LRRCC1: variants seen among roughly 807,000 people sequenced by gnomAD.
LRRCC1 encodes the protein leucine-rich repeat and coiled-coil domain-containing protein 1.
Under a neutral mutation model 126.0 loss-of-function variants are expected in LRRCC1, and 115 were observed. That is an observed-to-expected ratio of 0.91 (90% CI 0.78 to 1.07). The LOEUF is 1.07. Ranked by LOEUF, LRRCC1 falls within the 50% of genes least tolerant of loss-of-function variation. The pLI, the probability that LRRCC1 is intolerant of heterozygous loss-of-function variation, is 0.00. For synonymous variants in LRRCC1, 400 were observed against 393.4 expected (o/e 1.02, Z -0.20); for missense variants, 1,172 against 1,175.7 (o/e 1.00, Z 0.05).
At chr8:85,143,845 A>G (rs976238773) in intron 18 of LRRCC1, among the ~76,000 whole-genome samples, 1 of 152,202 alleles carries the variant, frequency 6.6e-6, no homozygotes, top group African/African-American at 2.4e-5. Flanking sequence ...AAATAGCACT[A>G]GAGCTTAAAT....
chr8:85,136,524 C>T (rs1229181924), intron 14 of LRRCC1, among the ~76,000 whole-genome samples: 2 of 152,122 alleles, frequency 1.3e-5, no homozygotes, highest in Non-Finnish European at 2.9e-5. Context: ...ATCCGCCCAC[C>T]TTGGCCTCCC....
At position 85,113,088 on chromosome 8, in the gene LRRCC1, G is replaced by A. The variant is rs1490055949; in HGVS notation, c.533G>A (p.Cys178Tyr). The change falls in exon 4 of 19, where the codon TGT (cysteine) becomes TAT (tyrosine). Residue 178 changes from cysteine to tyrosine, a missense_variant. Transcript: ENST00000360375. Reference protein sequence around the residue: ...LEKDGDDNPVCRLPGYRAVIL... With the variant: ...LEKDGDDNPVYRLPGYRAVIL... ...AAAGATGGAGACGATAATCCTGTCT[G>A]TCGACTGCCAGGTATGAATAATTAA... 1.2e-6 allele frequency: 2 copies of A among 1,607,018 alleles called. No homozygotes were observed. Among genetic ancestry groups the A allele is most frequent in the Admixed American group, 3.4e-5 (2 of 58,364 alleles).
At chr8:85,115,922 A>G (rs1401266357) in intron 6 of LRRCC1, among the ~76,000 whole-genome samples, 1 of 152,224 alleles carries the variant, frequency 6.6e-6, no homozygotes, top group Non-Finnish European at 1.5e-5. Context: ...TACTTAACGC[A>G]AAGGAATACT....
chr8:85,111,699 T>A (rs11991718), intron 3 of LRRCC1, among the ~76,000 whole-genome samples: 26,589 of 151,702 alleles, frequency 0.18, 5,180 homozygotes, highest in African/African-American at 0.49. Flanking sequence ...TGAAAAAAAA[T>A]TGGTTGGAAT....
chr8:85,119,285 A>C (rs1227109215), intron 6 of LRRCC1, among the ~76,000 whole-genome samples: 2 of 152,124 alleles, frequency 1.3e-5, no homozygotes, highest in Non-Finnish European at 2.9e-5. Flanking sequence ...TCTATAATGA[A>C]AATCTCTTTC....
chr8:85,111,805 A>G (rs1472181184), intron 3 of LRRCC1, among the ~76,000 whole-genome samples: 2 of 152,154 alleles, frequency 1.3e-5, no homozygotes, highest in African/African-American at 4.8e-5. Flanking sequence ...GAGATTGTGA[A>G]GCAGTTGAAA....
At chr8:85,130,819 C>T (rs1159178065) in intron 11 of LRRCC1, among the ~76,000 whole-genome samples, 7 of 152,142 alleles carry the variant, frequency 4.6e-5, no homozygotes, top group African/African-American at 1.7e-4. Flanking sequence ...CCTAACTTTG[C>T]CTTTGTAGCA....
At chr8:85,135,599 G>A (rs1810793074) in intron 13 of LRRCC1, among the ~76,000 whole-genome samples, 190 bp from the exon 14 acceptor site, 1 of 151,824 alleles carries the variant, frequency 6.6e-6, no homozygotes, top group Non-Finnish European at 1.5e-5. Flanking sequence ...TAAAGGAGTG[G>A]TATCTTAAAT....
chr8:85,128,898 C>T (rs1206695679), intron 9 of LRRCC1, among the ~76,000 whole-genome samples: 1 of 152,108 alleles, frequency 6.6e-6, no homozygotes, highest in Non-Finnish European at 1.5e-5. Context: ...TTGATATCAT[C>T]TTAAAAGATG....
intron 6 of LRRCC1, among the ~76,000 whole-genome samples, chr8:85,118,737 G>A (rs190568662): frequency 6.6e-6 from 1 of 151,828 alleles, no homozygotes; most frequent in East Asian, 1.9e-4. Flanking sequence ...CAGGTTGTAG[G>A]AATTTGTTGT....
At position 85,138,090 on chromosome 8, in the gene LRRCC1, T is replaced by G. The variant is rs1484191088; in HGVS notation, c.2549T>G (p.Ile850Arg). 6.3e-7 allele frequency: 1 copy of G among 1,599,520 alleles called. No homozygotes were observed. The highest frequency in any genetic ancestry group is 2.2e-5 in the East Asian group (1 of 44,576). The change falls in exon 16 of 19, where the codon ATA becomes AGA. Residue 850 changes from isoleucine (I) to arginine (R), a missense_variant. By Grantham distance (97) the Ile-to-Arg change is moderately conservative. Transcript: ENST00000360375. ...IKRLQEKITE[I>R]EKCTQEQLDE... ...AGATTACAAGAAAAGATCACAGAAATAGAAAAATGCACTCAAGAACAACTT... is the reference window on the plus strand; with the variant it reads ...AGATTACAAGAAAAGATCACAGAAAGAGAAAAATGCACTCAAGAACAACTT...
chr8:85,120,739 CATA>C (rs1413435513), intron 6 of LRRCC1, among the ~76,000 whole-genome samples: 2 of 152,114 alleles, frequency 1.3e-5, no homozygotes, highest in African/African-American at 2.4e-5. Context: ...TTTCACTTAG[CATA>C]ATATTTTCAA....
intron 18 of LRRCC1, among the ~76,000 whole-genome samples, chr8:85,142,655 C>T (rs768125326): frequency 3.3e-5 from 5 of 151,904 alleles, no homozygotes; most frequent in Non-Finnish European, 7.4e-5. Context: ...CAAGGTGAAA[C>T]CCCATCTCCA....
chr8:85,124,212 CT>C (rs1217154421), intron 7 of LRRCC1, among the ~76,000 whole-genome samples: 1 of 152,140 alleles, frequency 6.6e-6, no homozygotes, highest in Non-Finnish European at 1.5e-5. Flanking sequence ...TTACAGTAAA[CT>C]TTTGCCTCTG....
chr8:85,132,084 T>C lies in LRRCC1; in HGVS notation c.1968+123T>C, dbSNP rs1587424013. 10 of 799,990 alleles carry C rather than the reference T, an allele frequency of 1.3e-5. No homozygotes were observed. The East Asian group carries it at 1.9e-4, about 16-fold the overall frequency. 49.6% of individuals were successfully genotyped at this position (799,990 alleles called of 1,614,324 possible). A position where few individuals can be genotyped will look rare whatever the true frequency, so the allele number is the denominator to read the frequency against. ...GCTTCATAATCTTAAGTAAAATATA[T>C]AAATTCTTAGAGGCCTTAGTTTCCT... On this transcript the variant is annotated intron_variant, in intron 12 of 18. Coordinates refer to ENST00000360375, the MANE Select transcript of LRRCC1 (RefSeq NM_033402.5).
chr8:85,133,544 C>T lies in LRRCC1; in HGVS notation c.1969-1303C>T, dbSNP rs574714521. The stretch of plus-strand genomic sequence containing the variant: ...ATTCTACTTCACTGCTAATTTTACC[C>T]CCAAACCTTCTACTTTGACATTTCT... On this transcript the variant is annotated intron_variant, in intron 12 of 18. Transcript: ENST00000360375. Among the ~76,000 whole-genome samples, 3 of 152,224 alleles carry T rather than the reference C, an allele frequency of 2.0e-5. No homozygotes were observed. The South Asian group carries it at 6.2e-4, about 32-fold the overall frequency.
intron 14 of LRRCC1, 84 bp from the exon 15 acceptor site, chr8:85,137,380 T>G (rs1434101852): frequency 9.0e-6 from 7 of 777,258 alleles, no homozygotes; most frequent in Non-Finnish European, 1.3e-5. Context: ...TTTATTATTA[T>G]TATATTACAG....
At chr8:85,142,393 T>C (rs1310886837) in intron 18 of LRRCC1, among the ~76,000 whole-genome samples, 15 of 152,204 alleles carry the variant, frequency 9.9e-5, no homozygotes, top group Admixed American at 9.2e-4. Flanking sequence ...GTGATTCTTA[T>C]GTGACCTCTC....
chr8:85,137,722 A>C, intron 15 of LRRCC1, 95 bp downstream of exon 15: 1 of 953,308 alleles, frequency 1.0e-6, no homozygotes, highest in East Asian at 2.9e-5. Flanking sequence ...GTGTTTTCCA[A>C]CTGTTGTAAA....
Sources: gnomAD v4.1 joint callset for allele counts (sites outside exome capture counted in the v4.1 genomes callset) on GRCh38, gnomAD v4.1.1 for gene constraint, MANE v1.5 for transcripts, NCBI Gene and HGNC (gene_info 2026-07-23, HGNC 2026-07-21) for gene names.